The following NCALD variants were observed in gnomAD, a reference collection of about 807,000 sequenced individuals.
The protein encoded by NCALD is neurocalcin-delta.
Under a neutral mutation model 18.6 loss-of-function variants are expected in NCALD, and 10 were observed. The observed-to-expected ratio is 0.54, with a 90% CI of 0.33 to 0.91. NCALD has a LOEUF of 0.91. Ranked by LOEUF, NCALD falls within the 40% of genes least tolerant of loss-of-function variation. NCALD has a pLI of 0.03. For missense variants in NCALD, 184 were observed against 247.6 expected, an observed-to-expected ratio of 0.74 and a Z score of 1.72; for synonymous variants, 88 against 87.4, an observed-to-expected ratio of 1.01 and a Z score of -0.04.
At chr8:101,999,903 G>A (rs1191792901) in intron 2 of NCALD, among the ~76,000 whole-genome samples, 1 of 152,140 alleles carries the variant, frequency 6.6e-6, no homozygotes, top group Non-Finnish European at 1.5e-5. Flanking sequence ...AGAGTTGGGG[G>A]TGGAACCAAG....
At chr8:102,050,925 A>C (rs1455760911) in intron 1 of NCALD, among the ~76,000 whole-genome samples, 1 of 147,112 alleles carries the variant, frequency 6.8e-6, no homozygotes, top group South Asian at 2.1e-4. Context: ...TATATAATTT[A>C]TATATAAATA....
At chr8:102,104,095 G>A (rs374808650) in intron 1 of NCALD, among the ~76,000 whole-genome samples, 4 of 152,140 alleles carry the variant, frequency 2.6e-5, no homozygotes, top group South Asian at 2.1e-4. Flanking sequence ...AACTATATCC[G>A]CACGCGTGAA....
intron 2 of NCALD, chr8:101,694,043 G>A (rs1814871269): frequency 6.6e-6 from 1 of 152,198 alleles, no homozygotes; most frequent in Non-Finnish European, 1.5e-5. Flanking sequence ...GACTCAGTAA[G>A]GGCCCTTTGA....
chr8:102,013,030 C>CATA (rs1265501727), intron 2 of NCALD, among the ~76,000 whole-genome samples: 1 of 152,134 alleles, frequency 6.6e-6, no homozygotes, highest in Non-Finnish European at 1.5e-5. Flanking sequence ...CACATACATA[C>CATA]ATAAGTATTA....
At chr8:101,913,734 C>T (rs1403606129) in intron 3 of NCALD, among the ~76,000 whole-genome samples, 7 of 152,134 alleles carry the variant, frequency 4.6e-5, no homozygotes, top group Non-Finnish European at 5.9e-5. Context: ...AGGCATGCAC[C>T]ACCACGCCCA....
In NCALD at chr8:101,928,538, C is replaced by T. The variant is rs576154217; in HGVS notation, c.-156-12680G>A. 8.5e-5 allele frequency among the ~76,000 whole-genome samples: 13 copies of T among 152,062 alleles called. 1 individual carries two copies. In the South Asian group the frequency reaches 2.7e-3, roughly 32 times the overall value. On this transcript the variant is annotated intron_variant, in intron 2 of 6. Coordinates refer to the NCALD transcript ENST00000311028. ...ATCAGAGATTCCATGATGCTGCCCT[C>T]AGGTACTCTGAAGTGCAAATACCTG...
At chr8:101,802,539 G>A (rs1160882837) in intron 4 of NCALD, among the ~76,000 whole-genome samples, 1 of 151,284 alleles carries the variant, frequency 6.6e-6, no homozygotes, top group East Asian at 1.9e-4. Context: ...AGATCGTGAA[G>A]GAAATTTAAA....
chr8:101,709,091 C>A (rs1006667498), intron 2 of NCALD, among the ~76,000 whole-genome samples: 1 of 152,206 alleles, frequency 6.6e-6, no homozygotes, highest in African/African-American at 2.4e-5. Context: ...AAAGTACACT[C>A]CACAGTGTGG....
At chr8:102,078,337 G>T (rs1254296783) in intron 1 of NCALD, among the ~76,000 whole-genome samples, 1 of 152,114 alleles carries the variant, frequency 6.6e-6, no homozygotes, top group African/African-American at 2.4e-5. Context: ...TGGTCTCTTT[G>T]TTCCTACTCT....
intron 2 of NCALD, among the ~76,000 whole-genome samples, chr8:101,961,998 A>G (rs1381600083): frequency 6.6e-6 from 1 of 152,210 alleles, no homozygotes; most frequent in East Asian, 1.9e-4. Flanking sequence ...ATGAAAATCT[A>G]CAGTCCAAGA....
chr8:102,077,726 G>C (rs1824394189), intron 1 of NCALD, among the ~76,000 whole-genome samples: 1 of 152,120 alleles, frequency 6.6e-6, no homozygotes. Context: ...AGACTGGAAG[G>C]GGCCCTACAC....
In NCALD at chr8:101,891,945, C is replaced by A. The variant is rs533218072; in HGVS notation, c.-106-4718G>T. On this transcript the variant is annotated intron_variant, in intron 3 of 6. Coordinates refer to the NCALD transcript ENST00000311028. The stretch of plus-strand genomic sequence containing the variant: ...GCAGCGAGGCTGGGGGAGGGGCGCC[C>A]GCAATTGCCCAGGCTTGCTTAAGTA... Among the ~76,000 whole-genome samples the A allele has an allele frequency of 5.9e-5, 9 of 152,304 alleles. 1 individual carries two copies. The highest frequency in any genetic ancestry group is 4.1e-4 in the South Asian group (2 of 4,820).
chr8:101,754,027 T>A (rs1180783768), intron 1 of NCALD, among the ~76,000 whole-genome samples: 1 of 152,170 alleles, frequency 6.6e-6, no homozygotes, highest in Non-Finnish European at 1.5e-5. Context: ...AGGTCTTTCC[T>A]TTGCACAGCA....
In NCALD at chr8:101,687,594, G is replaced by A. The variant is rs1399862068; in HGVS notation, c.*1715C>T. ...TATATAAAAACCTGGAGGTTAGCAT[G>A]TCTAGTCACATTTTTCTCCTGGTCA... On this transcript the variant is annotated 3_prime_UTR_variant, in exon 4 of 4. Transcript: ENST00000220931. 1 of 152,306 alleles carries A rather than the reference G, an allele frequency of 6.6e-6. No homozygotes were observed. Among genetic ancestry groups the A allele is most frequent in the Non-Finnish European group, 1.5e-5 (1 of 68,046 alleles). The allele number at this position is 152,306 out of a possible 1,614,324, so 9.4% of individuals were successfully genotyped here. A position where few individuals can be genotyped will look rare whatever the true frequency, so the allele number is the denominator to read the frequency against.
intron 2 of NCALD, among the ~76,000 whole-genome samples, chr8:101,931,921 T>C (rs1022315078): frequency 1.3e-5 from 2 of 152,080 alleles, no homozygotes; most frequent in Admixed American, 6.5e-5. Flanking sequence ...TAGGAGCCCA[T>C]ATCTGTCTTA....
intron 3 of NCALD, among the ~76,000 whole-genome samples, chr8:101,901,824 C>G (rs1487976956): frequency 1.3e-5 from 2 of 151,716 alleles, no homozygotes; most frequent in Non-Finnish European, 2.9e-5. Context: ...GGAGTCTCGA[C>G]TTGTCACCCA....
intron 2 of NCALD, among the ~76,000 whole-genome samples, chr8:101,993,039 C>T (rs759839041): frequency 4.1e-5 from 6 of 145,692 alleles, no homozygotes; most frequent in Admixed American, 7.0e-5. Context: ...TGCTTATTAG[C>T]CATACTAGAT....
chr8:101,860,700 G>C (rs1186166469), intron 4 of NCALD, among the ~76,000 whole-genome samples: 1 of 152,146 alleles, frequency 6.6e-6, no homozygotes, highest in South Asian at 2.1e-4. Flanking sequence ...ATTATATTGG[G>C]AAGATGGGAG....
intron 4 of NCALD, among the ~76,000 whole-genome samples, chr8:101,831,736 C>A (rs1037239486): frequency 1.3e-5 from 2 of 152,084 alleles, no homozygotes; most frequent in Non-Finnish European, 2.9e-5. Flanking sequence ...CATCTCAGTG[C>A]AGCAGCCTAG....
Sources: gnomAD v4.1 joint callset for allele counts (sites outside exome capture counted in the v4.1 genomes callset) on GRCh38, gnomAD v4.1.1 for gene constraint, MANE v1.5 for transcripts, NCBI Gene and HGNC (gene_info 2026-07-23, HGNC 2026-07-21) for gene names.